INTS3: variants seen among roughly 807,000 people sequenced by gnomAD.
INTS3 encodes integrator complex subunit 3, also known as SOSS complex subunit A.
In INTS3, 34 loss-of-function variants were observed where a neutral mutation model predicts 146.3. The ratio of observed to expected loss-of-function variants is 0.23; its 90% CI spans 0.18 to 0.31. The LOEUF (loss-of-function observed/expected upper bound fraction) is 0.31. Among genes scored for constraint, INTS3 ranks in the 10% least tolerant of loss-of-function variants. INTS3 has a pLI of 1.00. For synonymous variants in INTS3, 475 were observed against 494.9 expected, an observed-to-expected ratio of 0.96 and a Z score of 0.53; for missense variants, 757 against 1,304.2, an observed-to-expected ratio of 0.58 and a Z score of 6.46.
chr1:153,761,403 G>C, intron 13 of INTS3, 167 bp from the exon 14 acceptor site: 1 of 590,500 alleles, frequency 1.7e-6, no homozygotes, highest in South Asian at 2.1e-5. Flanking sequence ...CTAGCTACTT[G>C]AGAGGCTGAG....
At chr1:153,773,129 G>A in intron 29 of INTS3, 48 bp downstream of exon 29, 1 of 1,613,800 alleles carries the variant, frequency 6.2e-7, no homozygotes, top group Non-Finnish European at 8.5e-7. Context: ...CTGGGTGCAG[G>A]TGGAGTCGGC....
chr1:153,737,779 G>A (rs111560155), intron 1 of INTS3, among the ~76,000 whole-genome samples: 2 of 152,112 alleles, frequency 1.3e-5, no homozygotes. Context: ...GATTACAGAC[G>A]TGAGCCACTG....
At position 153,747,381 on chromosome 1, in the gene INTS3, A is replaced by C. The variant is rs1671787654; in HGVS notation, c.517+18A>C. 1 of 1,589,516 alleles carries C rather than the reference A, an allele frequency of 6.3e-7. No individual in the cohort carries two copies. Among genetic ancestry groups the C allele is most frequent in the South Asian group, 1.1e-5 (1 of 90,550 alleles). ...GATTGCAGGTGAGTTTGATGGCAGGAGCATAAAGAAGAAAGGAGGAGAGCC... is the reference window on the plus strand; with the variant it reads ...GATTGCAGGTGAGTTTGATGGCAGGCGCATAAAGAAGAAAGGAGGAGAGCC... On this transcript the variant is annotated intron_variant, in intron 5 of 29. Coordinates refer to ENST00000318967, the MANE Select transcript of INTS3 (RefSeq NM_023015.5).
At chr1:153,750,561 T>C (rs12097583) in intron 6 of INTS3, among the ~76,000 whole-genome samples, 13,323 of 152,192 alleles carry the variant, frequency 0.088, 737 homozygotes, top group Middle Eastern at 0.21. Flanking sequence ...GAGCTGCTAA[T>C]GATAAGCAGA....
chr1:153,753,736 A>C (rs1672051667), intron 8 of INTS3: 2 of 142,660 alleles, frequency 1.4e-5, no homozygotes, highest in African/African-American at 2.6e-5. Flanking sequence ...GCTCACTGCA[A>C]CCTCCGCCTC....
chr1:153,772,190 C>G lies in INTS3; in HGVS notation c.2721-150C>G. The G allele has an allele frequency of 1.0e-6, 1 of 989,844 alleles. No individual in the cohort carries two copies. Among genetic ancestry groups the G allele is most frequent in the Non-Finnish European group, 1.5e-6 (1 of 670,684 alleles). 61.3% of individuals were successfully genotyped at this position (989,844 alleles called of 1,614,324 possible). On this transcript the variant is annotated intron_variant, in intron 26 of 29. Transcript: ENST00000318967. The surrounding 1 kb of genome is among the most constrained non-coding windows in gnomAD (Gnocchi z 4.6). Reference sequence around the variant, plus strand: ...CCAGGATCCCCTGTTCTAGGCACACCTTTCTCACCCAACCCCAGCCCTCCC... The same window carrying G: ...CCAGGATCCCCTGTTCTAGGCACACGTTTCTCACCCAACCCCAGCCCTCCC...
At chr1:153,735,019 G>A (rs1671236362) in intron 1 of INTS3, among the ~76,000 whole-genome samples, 1 of 152,168 alleles carries the variant, frequency 6.6e-6, no homozygotes, top group Admixed American at 6.5e-5. Context: ...TCAGGCTGGA[G>A]TGCAGTGGCG....
intron 1 of INTS3, 97 bp from the exon 2 acceptor site, chr1:153,740,554 G>A: frequency 1.2e-6 from 1 of 858,106 alleles, no homozygotes; most frequent in South Asian, 1.4e-5. Flanking sequence ...AGATCAATGG[G>A]CATGATCAGG....
chr1:153,746,693 A>C (rs1026460993), intron 3 of INTS3, among the ~76,000 whole-genome samples: 4 of 150,786 alleles, frequency 2.7e-5, no homozygotes, highest in Admixed American at 6.6e-5. Context: ...GAGCCACTGC[A>C]CCTGGCTGCC....
intron 20 of INTS3, 21 bp downstream of exon 20, chr1:153,765,084 T>A (rs1558006959): frequency 6.2e-7 from 1 of 1,613,936 alleles, no homozygotes; most frequent in Non-Finnish European, 8.5e-7. Context: ...TCCCCATGTT[T>A]CAAATGGTGT....
chr1:153,733,839 G>A (rs952685080), intron 1 of INTS3, among the ~76,000 whole-genome samples: 3 of 151,890 alleles, frequency 2.0e-5, no homozygotes, highest in Non-Finnish European at 2.9e-5. Flanking sequence ...TCCTAACCTC[G>A]TGATTCGCCC....
Position 153,751,179 on chromosome 1 carries a change from C to G in INTS3, c.669C>G (p.Ala223=), listed in dbSNP as rs150137088. ...TCATCGTGGACCACCATGGGACTGCCCAGCTCCAGGCCCTGCGACAGAAGG... is the reference window on the plus strand; with the variant it reads ...TCATCGTGGACCACCATGGGACTGCGCAGCTCCAGGCCCTGCGACAGAAGG... ...LRLIVDHHGT[A]QLQALRQKEV... is the part of the protein sequence containing the mutation. Residue 223 remains alanine, a synonymous_variant, in exon 7 of 30, where the codon GCC becomes GCG. Coordinates refer to ENST00000318967, the MANE Select transcript of INTS3 (RefSeq NM_023015.5). 21 of 1,614,030 alleles carry G rather than the reference C, an allele frequency of 1.3e-5. No individual in the cohort carries two copies. In the African/African-American group the frequency reaches 2.5e-4, roughly 19 times the overall value.
rs1672815255 is a variant in INTS3 at position 153,770,670 on chromosome 1, G to GC, written c.2504-12dup. 4.3e-6 allele frequency: 7 copies of GC among 1,612,018 alleles called. No homozygotes were observed. In the East Asian group the frequency reaches 1.3e-4, roughly 31 times the overall value. On this transcript the variant is annotated splice_polypyrimidine_tract_variant and intron_variant, in intron 24 of 29. Coordinates refer to ENST00000318967, the MANE Select transcript of INTS3 (RefSeq NM_023015.5). ...CATACCTTCCCCCTGAACAGCCTCT[G>GC]CCCTTCCCTCACAGAGCACCCAGAG...
chr1:153,758,117 C>T (rs1169767380), intron 10 of INTS3, among the ~76,000 whole-genome samples: 2 of 152,208 alleles, frequency 1.3e-5, no homozygotes, highest in Non-Finnish European at 2.9e-5. Flanking sequence ...TCTTTAGACC[C>T]TCACCACCAT....
intron 1 of INTS3, among the ~76,000 whole-genome samples, chr1:153,737,384 G>C (rs926181882): frequency 2.0e-5 from 3 of 152,166 alleles, no homozygotes; most frequent in African/African-American, 7.2e-5. Context: ...TTCTGAACAG[G>C]GACCAGTGAC....
Position 153,757,880 on chromosome 1 carries a change from GTCTT to G in INTS3, c.1149+118_1149+121del. 2 of 712,784 alleles carry G rather than the reference GTCTT, an allele frequency of 2.8e-6. No homozygotes were observed. Among genetic ancestry groups the G allele is most frequent in the Non-Finnish European group, 4.7e-6 (2 of 421,778 alleles). The allele number at this position is 712,784 out of a possible 1,614,324, so 44.2% of individuals were successfully genotyped here. Reference sequence around the variant, plus strand: ...CCCTAAGGGCCCTTCTTTCACTCTGGTCTTCCAGAGTGTCTCAGCCTTCACTTCC... The same window carrying G: ...CCCTAAGGGCCCTTCTTTCACTCTGGCCAGAGTGTCTCAGCCTTCACTTCC... On this transcript the variant is annotated intron_variant, in intron 10 of 29. Transcript: ENST00000318967. This position sits in a 1 kb window ranked among gnomAD's most constrained non-coding sequence, Gnocchi z 4.0.
In INTS3 at chr1:153,770,674, T is replaced by C; in HGVS notation, c.2504-11T>C. 1 of 1,612,496 alleles carries C rather than the reference T, an allele frequency of 6.2e-7. No individual in the cohort carries two copies. The highest frequency in any genetic ancestry group is 8.5e-7 in the Non-Finnish European group (1 of 1,178,570). On this transcript the variant is annotated splice_polypyrimidine_tract_variant and intron_variant, in intron 24 of 29. Transcript: ENST00000318967. ...CCTTCCCCCTGAACAGCCTCTGCCC[T>C]TCCCTCACAGAGCACCCAGAGGCCC...
intron 1 of INTS3, among the ~76,000 whole-genome samples, chr1:153,737,503 T>TGG (rs899036040): frequency 6.6e-6 from 1 of 152,156 alleles, no homozygotes; most frequent in Non-Finnish European, 1.5e-5. Context: ...CTGGAGACCC[T>TGG]GGTACTTTTT....
In INTS3 at chr1:153,754,059, C is replaced by T. The variant is rs575512098; in HGVS notation, c.860-583C>T. On this transcript the variant is annotated intron_variant, in intron 8 of 29. Coordinates refer to ENST00000318967, the MANE Select transcript of INTS3 (RefSeq NM_023015.5). Reference sequence around the variant, plus strand: ...CAAGGGAGCCACCTGCCTCGGCCTCCCAAGGTGCTAGGATTACAGGTGTGA... The same window carrying T: ...CAAGGGAGCCACCTGCCTCGGCCTCTCAAGGTGCTAGGATTACAGGTGTGA... Among the ~76,000 whole-genome samples, 9 of 151,878 alleles carry T rather than the reference C, an allele frequency of 5.9e-5. No individual in the cohort carries two copies. The South Asian group carries it at 1.7e-3, about 28-fold the overall frequency.
Sources: allele counts gnomAD v4.1 joint callset (sites outside exome capture counted in the v4.1 genomes callset), GRCh38; gene constraint gnomAD v4.1.1; non-coding constraint Gnocchi (gnomAD v3.1); transcripts MANE v1.5; gene names NCBI Gene and HGNC (gene_info 2026-07-23, HGNC 2026-07-21).